Variants in WNT7B observed in about 807,000 individuals in gnomAD.
The protein encoded by WNT7B is protein Wnt-7b.
In WNT7B, 19 loss-of-function variants were observed where a neutral mutation model predicts 38.2. That is an observed-to-expected ratio of 0.50 (90% CI 0.35 to 0.73). The LOEUF is 0.73. WNT7B is among the 30% of genes least tolerant of loss of function. WNT7B has a pLI of 0.01. For synonymous variants in WNT7B, 243 were observed against 209.3 expected, an observed-to-expected ratio of 1.16 and a Z score of -1.39; for missense variants, 423 against 507.9, an observed-to-expected ratio of 0.83 and a Z score of 1.61.
intron 1 of WNT7B, among the ~76,000 whole-genome samples, chr22:45,955,196 T>G (rs1266805372): frequency 6.6e-6 from 1 of 152,200 alleles, no homozygotes; most frequent in African/African-American, 2.4e-5. Flanking sequence ...CTGTCCAGTC[T>G]GACCCCTGCC....
intron 1 of WNT7B, among the ~76,000 whole-genome samples, chr22:45,954,031 A>G (rs1029363998): frequency 2.0e-5 from 3 of 152,246 alleles, no homozygotes; most frequent in Admixed American, 1.3e-4. Flanking sequence ...AGCTGAGTGG[A>G]TAAACCAAAT....
chr22:45,971,152 G>A (rs929125415), intron 1 of WNT7B, among the ~76,000 whole-genome samples: 8 of 151,994 alleles, frequency 5.3e-5, no homozygotes, highest in African/African-American at 1.7e-4. Flanking sequence ...AACCGCATGG[G>A]GGGAGGGGGT....
chr22:45,949,620 C>G (rs1284577734), intron 2 of WNT7B, among the ~76,000 whole-genome samples: 1 of 152,258 alleles, frequency 6.6e-6, no homozygotes, highest in East Asian at 1.9e-4. Context: ...GCTAGCACCA[C>G]CGCGCCACCA....
chr22:45,922,965 T>C lies in WNT7B; in HGVS notation c.941A>G (p.Asn314Ser). Residue 314 changes from asparagine (N) to serine (S), a missense_variant, in exon 4 of 4, where the codon AAC becomes AGC. By Grantham distance (46) the Asn-to-Ser change is conservative. Transcript: ENST00000339464. ...CDTMCCGRGY[N>S]THQYTKVWQC... ...CCACACCTTGGTGTACTGGTGGGTG[T>C]TGTAGCCTCGGCCGCAGCACATGGT... 6.2e-7 allele frequency: 1 copy of C among 1,613,394 alleles called. No individual in the cohort carries two copies. Among genetic ancestry groups the C allele is most frequent in the Non-Finnish European group, 8.5e-7 (1 of 1,179,868 alleles).
At chr22:45,947,486 G>A (rs1287453979) in intron 2 of WNT7B, among the ~76,000 whole-genome samples, 1 of 152,240 alleles carries the variant, frequency 6.6e-6, no homozygotes, top group African/African-American at 2.4e-5. Flanking sequence ...GGAGATTTAA[G>A]TAACGGGTGC....
Position 45,976,602 on chromosome 22 carries a change from C to T in WNT7B, c.71+82G>A, listed in dbSNP as rs562493807. 6 of 1,467,082 alleles carry T rather than the reference C, an allele frequency of 4.1e-6. No homozygotes were observed. Among genetic ancestry groups the T allele is most frequent in the Non-Finnish European group, 5.6e-6 (6 of 1,072,414 alleles). The allele number at this position is 1,467,082 out of a possible 1,614,324, so 90.9% of individuals were successfully genotyped here. A position where few individuals can be genotyped will look rare whatever the true frequency, so the allele number is the denominator to read the frequency against. On this transcript the variant is annotated intron_variant, in intron 1 of 3. Transcript: ENST00000339464. The surrounding 1 kb of genome is among the most constrained non-coding windows in gnomAD (Gnocchi z 8.5). ...CTGCAGTGGCCCCCTCCAGTCCCCA[C>T]GTCCCCACGGGGACGCCCCGGAGGC...
At position 45,965,073 on chromosome 22, in the gene WNT7B, G is replaced by T. The variant is rs980820225; in HGVS notation, c.71+11611C>A. 7.6e-5 allele frequency among the ~76,000 whole-genome samples: 11 copies of T among 144,236 alleles called. No homozygotes were observed. The East Asian group carries it at 2.2e-3, about 29-fold the overall frequency. 94.6% of individuals were successfully genotyped at this position (144,236 alleles called of 152,430 possible). On this transcript the variant is annotated intron_variant, in intron 1 of 3. Transcript: ENST00000339464. This position sits in a 1 kb window ranked among gnomAD's most constrained non-coding sequence, Gnocchi z 6.5. ...ACCCGAGATCACTGCCTCCGGCCCC[G>T]CCCCCACCTCACCTTCCCCTGCTCC...
intron 2 of WNT7B, among the ~76,000 whole-genome samples, chr22:45,941,758 A>G (rs1231523255): frequency 6.6e-6 from 1 of 152,128 alleles, no homozygotes; most frequent in African/African-American, 2.4e-5. Flanking sequence ...CCAACTCCCC[A>G]TGGAACTGGG....
intron 2 of WNT7B, among the ~76,000 whole-genome samples, chr22:45,933,076 G>C (rs1295494014): frequency 1.3e-5 from 2 of 152,194 alleles, no homozygotes; most frequent in African/African-American, 2.4e-5. Context: ...CCAGGTGGGG[G>C]TCCCTCTTCC....
chr22:45,941,723 A>T (rs1056152479), intron 2 of WNT7B, among the ~76,000 whole-genome samples: 1 of 152,058 alleles, frequency 6.6e-6, no homozygotes, highest in South Asian at 2.1e-4. Context: ...ATGTCCCAGC[A>T]TTGCCCAGCC....
rs73888722 is a variant in WNT7B, at chr22:45,950,534, C to T, written c.72-388G>A. On this transcript the variant is annotated intron_variant, in intron 1 of 3. Transcript: ENST00000339464. ...CGGGACTGTCTGCGCTGTCTCTAAG[C>T]GGCAGACCCCAACTCCCCGACCAAT... Among the ~76,000 whole-genome samples the T allele has an allele frequency of 8.1e-3, 1,235 of 152,344 alleles. 21 individuals carry two copies. The highest frequency in any genetic ancestry group is 0.028 in the African/African-American group (1,145 of 41,574).
chr22:45,960,904 G>A (rs1932181919), intron 1 of WNT7B, among the ~76,000 whole-genome samples: 1 of 152,244 alleles, frequency 6.6e-6, no homozygotes, highest in African/African-American at 2.4e-5. Flanking sequence ...TTGGGGCTGA[G>A]TATGGGGCAG....
In WNT7B at chr22:45,929,875, ACCATCTAC is replaced by A. The variant is rs372405938; in HGVS notation, c.570+1215_570+1222del. 4.0e-3 allele frequency among the ~76,000 whole-genome samples: 385 copies of A among 96,466 alleles called. 1 individual carries two copies. The highest frequency in any genetic ancestry group is 0.016 in the African/African-American group (350 of 21,950). 63.3% of individuals were successfully genotyped at this position (96,466 alleles called of 152,430 possible). A position where few individuals can be genotyped will look rare whatever the true frequency, so the allele number is the denominator to read the frequency against. On this transcript the variant is annotated intron_variant, in intron 3 of 3. Transcript: ENST00000339464. Reference sequence around the variant, plus strand: ...ACTCATCCTTCCATCCATCCATCCAACCATCTACCCACTCATCCACTCATCTATCTACC... The same window carrying A: ...ACTCATCCTTCCATCCATCCATCCAACCACTCATCCACTCATCTATCTACC...
chr22:45,941,218 A>G (rs1339375781), intron 2 of WNT7B, among the ~76,000 whole-genome samples: 3 of 152,174 alleles, frequency 2.0e-5, no homozygotes, highest in Non-Finnish European at 4.4e-5. Flanking sequence ...GGGAGGAAAG[A>G]GTGCAGAAGG....
chr22:45,963,697 G>T (rs1388740302), intron 1 of WNT7B, among the ~76,000 whole-genome samples: 1 of 152,120 alleles, frequency 6.6e-6, no homozygotes, highest in Non-Finnish European at 1.5e-5. Flanking sequence ...CCTGCCACAG[G>T]AATCTCCACC....
chr22:45,934,338 C>T (rs1931458638), intron 2 of WNT7B, among the ~76,000 whole-genome samples: 1 of 152,160 alleles, frequency 6.6e-6, no homozygotes. Context: ...AGGGAAGATG[C>T]TGCCTGTGGA....
chr22:45,927,755 G>T (rs1468283989), intron 3 of WNT7B, among the ~76,000 whole-genome samples: 1 of 152,202 alleles, frequency 6.6e-6, no homozygotes, highest in Non-Finnish European at 1.5e-5. Context: ...AATTAGCTGG[G>T]CACAGTGGCA....
rs925955937 is a variant in WNT7B, at chr22:45,920,996, T to C, written c.*1860A>G. 1.3e-5 allele frequency: 2 copies of C among 152,168 alleles called. No individual in the cohort carries two copies. The highest frequency in any genetic ancestry group is 2.9e-5 in the Non-Finnish European group (2 of 68,074). 9.4% of individuals were successfully genotyped at this position (152,168 alleles called of 1,614,324 possible). On this transcript the variant is annotated 3_prime_UTR_variant, in exon 4 of 4. Coordinates refer to ENST00000339464, the MANE Select transcript of WNT7B (RefSeq NM_058238.3). The stretch of plus-strand genomic sequence containing the variant: ...GAGACTCAGAGCGTCCAGGCATGGT[T>C]AGAGGCACATGGGCTGGACCACAGG...
At chr22:45,938,624 C>T (rs1193237254) in intron 2 of WNT7B, among the ~76,000 whole-genome samples, 1 of 151,162 alleles carries the variant, frequency 6.6e-6, no homozygotes, top group African/African-American at 2.4e-5. Flanking sequence ...GGCAACAAAG[C>T]AAGAATCTGT....
Sources: allele counts gnomAD v4.1 joint callset (sites outside exome capture counted in the v4.1 genomes callset), GRCh38; gene constraint gnomAD v4.1.1; non-coding constraint Gnocchi (gnomAD v3.1); transcripts MANE v1.5; gene names NCBI Gene and HGNC (gene_info 2026-07-23, HGNC 2026-07-21).